SEMA3A: variants seen among roughly 807,000 people sequenced by gnomAD.
The protein encoded by SEMA3A is semaphorin-3A.
Under a neutral mutation model 97.9 loss-of-function variants are expected in SEMA3A, and 29 were observed. The observed-to-expected ratio is 0.30, with a 90% CI of 0.22 to 0.40. SEMA3A has a LOEUF of 0.40. Ranked by LOEUF, SEMA3A falls within the 10% of genes least tolerant of loss-of-function variation. The pLI, the probability that SEMA3A is intolerant of heterozygous loss-of-function variation, is 1.00. For missense variants in SEMA3A, 763 were observed against 951.3 expected (o/e 0.80, Z 2.60); for synonymous variants, 321 against 323.7 (o/e 0.99, Z 0.09).
At position 84,099,305 on chromosome 7, in the gene SEMA3A, CG is replaced by C. The variant is rs1296713644; in HGVS notation, c.453+11164del. 9.0e-5 allele frequency among the ~76,000 whole-genome samples: 5 copies of C among 55,392 alleles called. 2 individuals are homozygous for C. Among genetic ancestry groups the C allele is most frequent in the Non-Finnish European group, 3.1e-4 (5 of 16,040 alleles). The allele number at this position is 55,392 out of a possible 152,430, so 36.3% of individuals were successfully genotyped here. A position where few individuals can be genotyped will look rare whatever the true frequency, so the allele number is the denominator to read the frequency against. ...CAGGATGGTCTCGATCTCCTGACCT[CG>C]TGATCCGCCCGCCTCGGCCTCCCAA... On this transcript the variant is annotated intron_variant, in intron 4 of 16. Coordinates refer to ENST00000265362, the MANE Select transcript of SEMA3A (RefSeq NM_006080.3).
chr7:84,089,906 T>C (rs1156673596), intron 4 of SEMA3A, among the ~76,000 whole-genome samples: 1 of 151,998 alleles, frequency 6.6e-6, no homozygotes, highest in Admixed American at 6.6e-5. Context: ...ACTTGATACA[T>C]TTAATAACTA....
chr7:84,062,560 G>C (rs569679403), intron 4 of SEMA3A, among the ~76,000 whole-genome samples: 1 of 152,166 alleles, frequency 6.6e-6, no homozygotes, highest in African/African-American at 2.4e-5. Context: ...CAGTGGGTGC[G>C]CGCACCACGC....
intron 6 of SEMA3A, among the ~76,000 whole-genome samples, chr7:84,024,633 T>A (rs2116449031): frequency 6.6e-6 from 1 of 152,242 alleles, no homozygotes; most frequent in Non-Finnish European, 1.5e-5. Context: ...TACATATCTT[T>A]GAGGAGTGTT....
chr7:84,250,531 A>C lies in SEMA3A; in HGVS notation c.-82-55863T>G, dbSNP rs564645297. Among the ~76,000 whole-genome samples, 389 of 152,270 alleles carry C rather than the reference A, an allele frequency of 2.6e-3. 1 individual carries two copies. Among genetic ancestry groups the C allele is most frequent in the Non-Finnish European group, 3.4e-3 (228 of 68,024 alleles). On this transcript the variant is annotated intron_variant, in intron 3 of 3. Coordinates refer to the SEMA3A transcript ENST00000424555. Reference sequence around the variant, plus strand: ...GATAATGAGCAGTTTCTCTGTCTACATCTGTGTGGGACCATGTGAGGTCTG... The same window carrying C: ...GATAATGAGCAGTTTCTCTGTCTACCTCTGTGTGGGACCATGTGAGGTCTG...
chr7:84,209,558 C>A (rs760498595), intron 3 of SEMA3A, among the ~76,000 whole-genome samples: 1 of 152,014 alleles, frequency 6.6e-6, no homozygotes, highest in Non-Finnish European at 1.5e-5. Flanking sequence ...CCTTCTTGTG[C>A]TGAAAATAGT....
intron 2 of SEMA3A, among the ~76,000 whole-genome samples, chr7:84,130,588 G>T (rs1488022368): frequency 1.3e-5 from 2 of 152,014 alleles, no homozygotes; most frequent in Non-Finnish European, 1.5e-5. Context: ...AAACATTCAA[G>T]AATTCAAGAT....
intron 3 of SEMA3A, among the ~76,000 whole-genome samples, chr7:84,221,744 TG>T (rs1798888305): frequency 1.3e-5 from 2 of 152,060 alleles, no homozygotes; most frequent in African/African-American, 4.8e-5. Flanking sequence ...GCATAGTTTA[TG>T]GCATCCCAAA....
At chr7:84,314,915 T>C (rs1204448626) in intron 2 of SEMA3A, among the ~76,000 whole-genome samples, 7 of 152,148 alleles carry the variant, frequency 4.6e-5, no homozygotes, top group South Asian at 4.1e-4. Context: ...GAAAAACTAA[T>C]GAGGAAAGTA....
intron 2 of SEMA3A, among the ~76,000 whole-genome samples, chr7:84,322,345 C>T (rs750154552): frequency 1.3e-5 from 2 of 152,088 alleles, no homozygotes; most frequent in Non-Finnish European, 2.9e-5. Flanking sequence ...ATAAAATACA[C>T]TTATTTTCTC....
chr7:84,200,667 A>G (rs555671667), intron 3 of SEMA3A, among the ~76,000 whole-genome samples: 6 of 152,086 alleles, frequency 3.9e-5, no homozygotes, highest in African/African-American at 1.2e-4. Context: ...TCTCTTTGCC[A>G]TTTCTATCTG....
At chr7:84,029,890 G>GAAGA (rs1791679620) in intron 6 of SEMA3A, among the ~76,000 whole-genome samples, 1 of 151,154 alleles carries the variant, frequency 6.6e-6, no homozygotes, top group South Asian at 2.1e-4. Flanking sequence ...TTAAAGACAC[G>GAAGA]AAGACAAAAC....
chr7:84,392,156 T>C (rs970548106), intron 1 of SEMA3A, among the ~76,000 whole-genome samples: 1 of 152,130 alleles, frequency 6.6e-6, no homozygotes, highest in Admixed American at 6.6e-5. Flanking sequence ...TATTAAGTTA[T>C]TAGAGGTATT....
chr7:84,482,152 T>C (rs1380981956), intron 1 of SEMA3A, among the ~76,000 whole-genome samples: 1 of 152,000 alleles, frequency 6.6e-6, no homozygotes, highest in Non-Finnish European at 1.5e-5. Context: ...TCGTATAAGT[T>C]AAAATATTGA....
Position 83,986,481 on chromosome 7 carries a change from CT to C in SEMA3A, c.1453-1005del, listed in dbSNP as rs538408836. ...AATTGGGTTCTTTGATGTAGACAGA[CT>C]ACCAAAAGCCTATATAACTGAACAC... On this transcript the variant is annotated intron_variant, in intron 12 of 16. Transcript: ENST00000265362. 6.6e-4 allele frequency among the ~76,000 whole-genome samples: 100 copies of C among 152,268 alleles called. 2 individuals are homozygous for C. In the South Asian group the frequency reaches 0.02, roughly 30 times the overall value.
rs35519031 is a variant in SEMA3A at position 84,203,526 on chromosome 7, A to ATTTTTTTT, written c.-82-8866_-82-8859dup. On this transcript the variant is annotated intron_variant, in intron 3 of 3. Coordinates refer to the SEMA3A transcript ENST00000424555. ...TGTATATATATATATATATATATAT[A>ATTTTTTTT]TTTTTTTTTTTTTTTTTTTTCTGAG... 2.0e-3 allele frequency among the ~76,000 whole-genome samples: 51 copies of ATTTTTTTT among 25,674 alleles called. 2 individuals are homozygous for ATTTTTTTT. The highest frequency in any genetic ancestry group is 0.012 in the East Asian group (8 of 686). The allele number at this position is 25,674 out of a possible 152,430, so 16.8% of individuals were successfully genotyped here. A position where few individuals can be genotyped will look rare whatever the true frequency, so the allele number is the denominator to read the frequency against.
rs1166701693 is a variant in SEMA3A at position 84,011,159 on chromosome 7, TATAC to T, written c.925+20_925+23del. On this transcript the variant is annotated intron_variant, in intron 8 of 16. Coordinates refer to ENST00000265362, the MANE Select transcript of SEMA3A (RefSeq NM_006080.3). ...TGGCAAAGTCTGAACAAATATTCTC[TATAC>T]ATAAACACTAGCTTCTTACGCAGTT... 1 of 1,604,858 alleles carries T rather than the reference TATAC, an allele frequency of 6.2e-7. No homozygotes were observed. The highest frequency in any genetic ancestry group is 1.7e-5 in the Admixed American group (1 of 59,936).
rs544605883 is a variant in SEMA3A at position 84,124,129 on chromosome 7, G to A, written c.333+4994C>T. ...ACTGTGTTGTCATAGCCATAGGAATGAGCTTTTCCTTAACTAGGCATAAGA... is the reference window on the plus strand; with the variant it reads ...ACTGTGTTGTCATAGCCATAGGAATAAGCTTTTCCTTAACTAGGCATAAGA... On this transcript the variant is annotated intron_variant, in intron 3 of 16. Transcript: ENST00000265362. Among the ~76,000 whole-genome samples the A allele has an allele frequency of 2.6e-5, 4 of 152,246 alleles. No individual in the cohort carries two copies. In the South Asian group the frequency reaches 6.2e-4, roughly 24 times the overall value.
At chr7:84,031,108 T>C (rs1372598991) in intron 6 of SEMA3A, among the ~76,000 whole-genome samples, 1 of 149,246 alleles carries the variant, frequency 6.7e-6, no homozygotes, top group Non-Finnish European at 1.5e-5. Flanking sequence ...TTCCCATGCC[T>C]GAGCCTCCTG....
intron 5 of SEMA3A, among the ~76,000 whole-genome samples, chr7:84,058,124 C>T (rs946852019): frequency 1.3e-5 from 2 of 152,174 alleles, no homozygotes; most frequent in African/African-American, 4.8e-5. Flanking sequence ...CAAGATCCAT[C>T]TAGCCAGTTT....
Sources: gnomAD v4.1 joint callset for allele counts (sites outside exome capture counted in the v4.1 genomes callset) on GRCh38, gnomAD v4.1.1 for gene constraint, MANE v1.5 for transcripts, NCBI Gene and HGNC (gene_info 2026-07-23, HGNC 2026-07-21) for gene names.